Variants in PAPPA2 observed in about 807,000 individuals in gnomAD.
The protein encoded by PAPPA2 is pappalysin-2.
In PAPPA2, 86 loss-of-function variants were observed where a neutral mutation model predicts 176.4. The ratio of observed to expected loss-of-function variants is 0.49; its 90% CI spans 0.41 to 0.58. The LOEUF (loss-of-function observed/expected upper bound fraction) is 0.58, where lower values mean the gene tolerates loss of function less well. PAPPA2 is among the 20% of genes least tolerant of loss of function. PAPPA2 has a pLI of 0.00. For missense variants in PAPPA2, 2,073 were observed against 2,256.9 expected (o/e 0.92, Z 1.65); for synonymous variants, 809 against 852.2 (o/e 0.95, Z 0.88).
At chr1:176,757,997 C>T (rs1274823753) in intron 14 of PAPPA2, among the ~76,000 whole-genome samples, 4 of 152,156 alleles carry the variant, frequency 2.6e-5, no homozygotes, top group Non-Finnish European at 4.4e-5. Context: ...CACATCCTGA[C>T]AGATCTATTT....
intron 1 of PAPPA2, among the ~76,000 whole-genome samples, chr1:176,525,176 A>C (rs1649433556): frequency 6.6e-6 from 1 of 152,230 alleles, no homozygotes; most frequent in African/African-American, 2.4e-5. Flanking sequence ...CCTAGACCCT[A>C]GTACGGTTGC....
chr1:176,551,126 A>G (rs1002406005), intron 1 of PAPPA2, among the ~76,000 whole-genome samples: 6 of 152,200 alleles, frequency 3.9e-5, no homozygotes, highest in African/African-American at 1.4e-4. Flanking sequence ...CCCTGAAGGA[A>G]TCACAAGTTA....
intron 17 of PAPPA2, among the ~76,000 whole-genome samples, chr1:176,786,751 T>A (rs1664951969): frequency 6.6e-6 from 1 of 152,220 alleles, no homozygotes; most frequent in Non-Finnish European, 1.5e-5. Flanking sequence ...CCGTGTGTTT[T>A]GAATAAGCTT....
At chr1:176,830,554 C>T (rs1457140175) in intron 21 of PAPPA2, among the ~76,000 whole-genome samples, 2 of 152,116 alleles carry the variant, frequency 1.3e-5, no homozygotes, top group Non-Finnish European at 2.9e-5. Context: ...TGGTTGGCTC[C>T]AATTAGCTGA....
chr1:176,808,599 G>A (rs1243826392), intron 21 of PAPPA2, among the ~76,000 whole-genome samples: 1 of 152,112 alleles, frequency 6.6e-6, no homozygotes, highest in Non-Finnish European at 1.5e-5. Context: ...TGGGTAAACA[G>A]CAGCATGGCT....
intron 2 of PAPPA2, among the ~76,000 whole-genome samples, chr1:176,566,271 A>T (rs1279985927): frequency 6.6e-6 from 1 of 152,082 alleles, no homozygotes; most frequent in African/African-American, 2.4e-5. Flanking sequence ...TTTGGGGTGC[A>T]GGTGGGGGAA....
chr1:176,591,621 T>C (rs984124843), intron 2 of PAPPA2, among the ~76,000 whole-genome samples: 1 of 152,222 alleles, frequency 6.6e-6, no homozygotes, highest in Non-Finnish European at 1.5e-5. Flanking sequence ...GATTAGCAGA[T>C]AGTATTGCTT....
chr1:176,528,554 A>G (rs1469993303), intron 1 of PAPPA2, among the ~76,000 whole-genome samples: 1 of 152,196 alleles, frequency 6.6e-6, no homozygotes, highest in Admixed American at 6.5e-5. Context: ...AGTGGCCCCA[A>G]ACACTGAATG....
chr1:176,518,380 G>A (rs1311130604), intron 1 of PAPPA2, among the ~76,000 whole-genome samples: 2 of 151,304 alleles, frequency 1.3e-5, no homozygotes, highest in African/African-American at 2.4e-5. Context: ...AGTCCATTCT[G>A]ATAAACTGGA....
chr1:176,841,758 C>T (rs944554711), intron 22 of PAPPA2, among the ~76,000 whole-genome samples: 24 of 152,072 alleles, frequency 1.6e-4, no homozygotes, highest in African/African-American at 5.8e-4. Flanking sequence ...TGCATTATTC[C>T]ACCAAGTCAA....
rs1661991228 is a variant in PAPPA2, at chr1:176,728,623, T to C, written c.3799-11003T>C. 2.0e-5 allele frequency among the ~76,000 whole-genome samples: 3 copies of C among 151,822 alleles called. No individual in the cohort carries two copies. In the South Asian group the frequency reaches 6.2e-4, roughly 31 times the overall value. On this transcript the variant is annotated intron_variant, in intron 12 of 22. Transcript: ENST00000367662. ...TAAATTTCCCATAATCCCAATAAAA[T>C]CCAAACAAGATATTCAAAAGAATTA...
chr1:176,561,366 G>A (rs1484059818), intron 2 of PAPPA2, among the ~76,000 whole-genome samples: 1 of 152,174 alleles, frequency 6.6e-6, no homozygotes, highest in Non-Finnish European at 1.5e-5. Flanking sequence ...CCTGGCAGGA[G>A]CTAACAGTGG....
chr1:176,694,203 G>T (rs1246995446), intron 6 of PAPPA2, among the ~76,000 whole-genome samples: 1 of 152,196 alleles, frequency 6.6e-6, no homozygotes, highest in Non-Finnish European at 1.5e-5. Context: ...AGGGCCAAGT[G>T]CATCAGAGGA....
At chr1:176,606,012 G>T (rs1302472379) in intron 3 of PAPPA2, among the ~76,000 whole-genome samples, 2 of 151,886 alleles carry the variant, frequency 1.3e-5, no homozygotes, top group Non-Finnish European at 2.9e-5. Flanking sequence ...ACTCAAATAT[G>T]CTAGGCTATC....
chr1:176,825,538 G>C (rs1019644123), intron 21 of PAPPA2, among the ~76,000 whole-genome samples: 3 of 152,154 alleles, frequency 2.0e-5, no homozygotes, highest in Non-Finnish European at 4.4e-5. Context: ...TGGAGACATT[G>C]GTTATGGGGG....
chr1:176,803,723 A>G (rs1470150287), intron 21 of PAPPA2, among the ~76,000 whole-genome samples: 1 of 152,172 alleles, frequency 6.6e-6, no homozygotes, highest in Non-Finnish European at 1.5e-5. Context: ...TATTGCTAAT[A>G]CAGGGTTCTT....
chr1:176,492,377 T>C (rs1647338762), intron 1 of PAPPA2, among the ~76,000 whole-genome samples: 1 of 152,246 alleles, frequency 6.6e-6, no homozygotes, highest in South Asian at 2.1e-4. Flanking sequence ...ATAGTTGTTT[T>C]GATGTTGATG....
intron 1 of PAPPA2, among the ~76,000 whole-genome samples, chr1:176,532,908 A>C (rs1473995565): frequency 6.6e-6 from 1 of 152,104 alleles, no homozygotes; most frequent in Non-Finnish European, 1.5e-5. Context: ...GGCACCCTGC[A>C]CTAGGCTTCC....
At chr1:176,575,147 C>G (rs992792880) in intron 2 of PAPPA2, among the ~76,000 whole-genome samples, 2 of 152,108 alleles carry the variant, frequency 1.3e-5, no homozygotes, top group African/African-American at 4.8e-5. Flanking sequence ...CCCTGCTGCT[C>G]CAGATTTATC....
Sources: allele counts gnomAD v4.1 joint callset (sites outside exome capture counted in the v4.1 genomes callset), GRCh38; gene constraint gnomAD v4.1.1; transcripts MANE v1.5; gene names NCBI Gene and HGNC (gene_info 2026-07-23, HGNC 2026-07-21).